The following SFMBT1 variants were observed in gnomAD, a reference collection of about 807,000 sequenced individuals.
SFMBT1 encodes scm-like with four MBT domains protein 1.
In SFMBT1, 32 loss-of-function variants were observed where a neutral mutation model predicts 108.7. The observed-to-expected ratio is 0.29, with a 90% confidence interval of 0.22 to 0.40. The LOEUF (loss-of-function observed/expected upper bound fraction) is 0.40, where lower values mean the gene tolerates loss of function less well. Among genes scored for constraint, SFMBT1 ranks in the 10% least tolerant of loss-of-function variants. The pLI, the probability that SFMBT1 is intolerant of heterozygous loss-of-function variation, is 1.00. For synonymous variants in SFMBT1, 348 were observed against 369.5 expected (o/e 0.94, Z 0.67); for missense variants, 816 against 1,059.6 (o/e 0.77, Z 3.19).
chr3:52,953,452 A>AG (rs1359405486), intron 3 of SFMBT1, among the ~76,000 whole-genome samples: 4 of 151,714 alleles, frequency 2.6e-5, no homozygotes, highest in Non-Finnish European at 5.9e-5. Context: ...TCACCAAAAA[A>AG]AAAACCTAGG....
At chr3:52,951,418 CTTT>C (rs1169590358) in intron 3 of SFMBT1, among the ~76,000 whole-genome samples, 5 of 141,584 alleles carry the variant, frequency 3.5e-5, no homozygotes, top group Admixed American at 7.1e-5. Context: ...AAAAGAAATT[CTTT>C]TTTTTTTTTT....
chr3:52,968,805 G>T (rs1283133596), intron 2 of SFMBT1, among the ~76,000 whole-genome samples: 2 of 152,046 alleles, frequency 1.3e-5, no homozygotes, highest in Non-Finnish European at 2.9e-5. Context: ...GTGTTAGCCA[G>T]GATGGTCTCG....
chr3:52,960,993 G>C (rs956355196), intron 2 of SFMBT1, among the ~76,000 whole-genome samples: 2 of 152,170 alleles, frequency 1.3e-5, no homozygotes, highest in African/African-American at 4.8e-5. Flanking sequence ...TTAAAAGTAA[G>C]CTGAGCATGG....
At chr3:53,028,007 T>A (rs1179658444) in intron 1 of SFMBT1, among the ~76,000 whole-genome samples, 1 of 152,236 alleles carries the variant, frequency 6.6e-6, no homozygotes, top group Admixed American at 6.5e-5. Flanking sequence ...CTTGCCAGGT[T>A]ACCCCATTGT....
chr3:53,044,692 C>T (rs1700158177), intron 1 of SFMBT1, among the ~76,000 whole-genome samples: 1 of 152,214 alleles, frequency 6.6e-6, no homozygotes. Context: ...TTGACAAAAT[C>T]CATCTTACTT....
intron 3 of SFMBT1, among the ~76,000 whole-genome samples, chr3:52,949,549 A>G (rs934169577): frequency 1.3e-5 from 1 of 78,264 alleles, no homozygotes; most frequent in Non-Finnish European, 2.7e-5. Context: ...TGACCCCTTT[A>G]TTATTATGTA....
intron 1 of SFMBT1, among the ~76,000 whole-genome samples, chr3:53,041,598 T>C (rs1700054387): frequency 6.9e-6 from 1 of 144,926 alleles, no homozygotes; most frequent in African/African-American, 2.6e-5. Context: ...CTTGGGAGGC[T>C]GAGGCAGGAG....
At chr3:52,929,209 G>A (rs543314609) in intron 8 of SFMBT1, among the ~76,000 whole-genome samples, 1 of 152,160 alleles carries the variant, frequency 6.6e-6, no homozygotes, top group South Asian at 2.1e-4. Context: ...TCAAATCCTA[G>A]CCCAGTTTCA....
intron 4 of SFMBT1, among the ~76,000 whole-genome samples, chr3:52,942,191 T>A (rs1703204995): frequency 6.6e-6 from 1 of 152,246 alleles, no homozygotes; most frequent in African/African-American, 2.4e-5. Flanking sequence ...AACTGAGTAC[T>A]ATCTGTAAAC....
Position 52,928,111 on chromosome 3 carries a change from G to T in SFMBT1, c.1048+80C>A, listed in dbSNP as rs565691600. The T allele has an allele frequency of 3.2e-6, 5 of 1,541,144 alleles. No homozygotes were observed. The South Asian group carries it at 6.2e-5, about 19-fold the overall frequency. On this transcript the variant is annotated intron_variant, in intron 9 of 20. Coordinates refer to ENST00000394752, the MANE Select transcript of SFMBT1 (RefSeq NM_016329.4). ...CTAGGGCAGGAGGAGAGGGACAAAAGATTTCAGCAATGCCATCTGACATGT... is the reference window on the plus strand; with the variant it reads ...CTAGGGCAGGAGGAGAGGGACAAAATATTTCAGCAATGCCATCTGACATGT...
intron 1 of SFMBT1, among the ~76,000 whole-genome samples, chr3:52,995,414 G>A (rs1698288843): frequency 6.7e-6 from 1 of 150,196 alleles, no homozygotes; most frequent in Non-Finnish European, 1.5e-5. Flanking sequence ...TTTGAGGCAG[G>A]GTCTTGCTCT....
chr3:52,951,438 TGGCA>T (rs1703589287), intron 3 of SFMBT1, among the ~76,000 whole-genome samples: 5 of 149,864 alleles, frequency 3.3e-5, no homozygotes, highest in Non-Finnish European at 4.4e-5. Context: ...TTTTTTGAGA[TGGCA>T]TTTTGCTCTT....
At chr3:52,934,772 G>T in intron 5 of SFMBT1, 41 bp downstream of exon 5, 1 of 1,512,866 alleles carries the variant, frequency 6.6e-7, no homozygotes, top group Non-Finnish European at 9.1e-7. Context: ...TGAAAGATCA[G>T]ATGGGTTTTC....
intron 1 of SFMBT1, among the ~76,000 whole-genome samples, chr3:52,984,726 C>CTGTGTGTGTGTGTGTGTGTGTG (rs57308874): frequency 1.2e-4 from 17 of 140,242 alleles, no homozygotes; most frequent in African/African-American, 4.3e-4. Context: ...ATACTAAATA[C>CTGTGTGTGTGTGTGTGTGTGTG]TGTGTGTGTG....
At chr3:53,008,124 T>C (rs1698811338) in intron 1 of SFMBT1, among the ~76,000 whole-genome samples, 1 of 151,886 alleles carries the variant, frequency 6.6e-6, no homozygotes, top group Admixed American at 6.6e-5. Flanking sequence ...TTGGGACTAT[T>C]GGTCAAACTT....
intron 9 of SFMBT1, among the ~76,000 whole-genome samples, chr3:52,927,641 A>C (rs1702697975): frequency 6.6e-6 from 1 of 152,224 alleles, no homozygotes; most frequent in Non-Finnish European, 1.5e-5. Flanking sequence ...AGGATCAAAG[A>C]CTATATTTTG....
intron 1 of SFMBT1, among the ~76,000 whole-genome samples, chr3:53,023,849 A>G (rs1178257511): frequency 6.6e-6 from 1 of 152,180 alleles, no homozygotes; most frequent in African/African-American, 2.4e-5. Flanking sequence ...TCCTGACTAG[A>G]CACTCGCTAA....
chr3:52,913,373 A>G, intron 15 of SFMBT1, 105 bp downstream of exon 15: 5 of 1,386,046 alleles, frequency 3.6e-6, no homozygotes, highest in Non-Finnish European at 4.8e-6. Context: ...AACTTTTGAT[A>G]AAACCTAGAA....
intron 2 of SFMBT1, among the ~76,000 whole-genome samples, chr3:52,960,616 G>GATCTATCTATCT (rs35638922): frequency 2.5e-4 from 37 of 150,706 alleles, no homozygotes; most frequent in African/African-American, 8.8e-4. Context: ...ATTATCATAT[G>GATCTATCTATCT]ATCTATCTAT....
Sources: allele counts gnomAD v4.1 joint callset (sites outside exome capture counted in the v4.1 genomes callset), GRCh38; gene constraint gnomAD v4.1.1; transcripts MANE v1.5; gene names NCBI Gene and HGNC (gene_info 2026-07-23, HGNC 2026-07-21).